RAB11FIP5: variants seen among roughly 807,000 people sequenced by gnomAD.
RAB11FIP5 encodes rab11 family-interacting protein 5.
A neutral mutation model predicts 85.1 loss-of-function variants in RAB11FIP5; 48 were observed. The observed-to-expected ratio is 0.56, with a 90% CI of 0.45 to 0.72. RAB11FIP5 has a LOEUF of 0.72. RAB11FIP5 is among the 30% of genes least tolerant of loss of function. The probability of loss-of-function intolerance (pLI) is 0.00; values close to 1 mark genes in which losing one functional copy is unlikely to be tolerated. For missense variants in RAB11FIP5, 1,491 were observed against 1,687.0 expected, an observed-to-expected ratio of 0.88 and a Z score of 2.04; for synonymous variants, 729 against 727.3, an observed-to-expected ratio of 1.00 and a Z score of -0.04.
chr2:73,086,040 A>C lies in RAB11FIP5; in HGVS notation c.1568+2010T>G, dbSNP rs985083933. ...AGGCCCTAAGCAAGCCCTCTGGGGA[A>C]GCGCCAACAGTCCTTTCTTCCAGGC... On this transcript the variant is annotated intron_variant, in intron 3 of 5. Coordinates refer to ENST00000486777, the MANE Select transcript of RAB11FIP5 (RefSeq NM_001371272.1). This position sits in a 1 kb window ranked among gnomAD's most constrained non-coding sequence, Gnocchi z 4.4. Among the ~76,000 whole-genome samples, 1 of 152,152 alleles carries C rather than the reference A, an allele frequency of 6.6e-6. No individual in the cohort carries two copies. Among genetic ancestry groups the C allele is most frequent in the African/African-American group, 2.4e-5 (1 of 41,438 alleles).
rs1277961186 is a variant in RAB11FIP5, at chr2:73,112,793, G to A, written c.-16C>T. On this transcript the variant is annotated 5_prime_UTR_variant, in exon 1 of 6. Transcript: ENST00000486777. ...CCAGGGCCATGGCGGAGAAGCGGGG[G>A]GCGAGGTCTGGCCGAGCCGGTGCAG... 2.1e-6 allele frequency: 3 copies of A among 1,415,512 alleles called. No individual in the cohort carries two copies. The highest frequency in any genetic ancestry group is 2.8e-5 in the East Asian group (1 of 35,706). The allele number at this position is 1,415,512 out of a possible 1,614,324, so 87.7% of individuals were successfully genotyped here. A position where few individuals can be genotyped will look rare whatever the true frequency, so the allele number is the denominator to read the frequency against.
At chr2:73,099,188 T>C (rs544363490) in intron 1 of RAB11FIP5, among the ~76,000 whole-genome samples, 2 of 152,180 alleles carry the variant, frequency 1.3e-5, no homozygotes, top group Non-Finnish European at 2.9e-5. Context: ...TAGCTGGGCT[T>C]ACAGGCCCCT....
In RAB11FIP5 at chr2:73,089,507, T is replaced by C. The variant is rs775818247; in HGVS notation, c.432-192A>G. ...GCAGCTGAGAAACTATCCAAAACAT[T>C]TCCATGATGGAGAAAACCACATCCT... On this transcript the variant is annotated intron_variant, in intron 1 of 5. Coordinates refer to ENST00000486777, the MANE Select transcript of RAB11FIP5 (RefSeq NM_001371272.1). The surrounding 1 kb of genome is among the most constrained non-coding windows in gnomAD (Gnocchi z 4.6). 8.9e-5 allele frequency: 61 copies of C among 688,952 alleles called. No homozygotes were observed. In the South Asian group the frequency reaches 9.1e-4, roughly 10 times the overall value. 42.7% of individuals were successfully genotyped at this position (688,952 alleles called of 1,614,324 possible).
At chr2:73,097,333 G>A (rs908483566) in intron 1 of RAB11FIP5, among the ~76,000 whole-genome samples, 8 of 151,822 alleles carry the variant, frequency 5.3e-5, no homozygotes, top group African/African-American at 1.2e-4. Flanking sequence ...CACCACGCCC[G>A]GCCCCCCTCA....
At chr2:73,107,431 C>T (rs769383124) in intron 1 of RAB11FIP5, among the ~76,000 whole-genome samples, 3 of 152,126 alleles carry the variant, frequency 2.0e-5, no homozygotes, top group South Asian at 4.1e-4. Context: ...TCAAGGTCAC[C>T]GGGATGTGGC....
intron 1 of RAB11FIP5, among the ~76,000 whole-genome samples, chr2:73,099,466 G>C (rs529020029): frequency 6.6e-6 from 1 of 152,290 alleles, no homozygotes; most frequent in East Asian, 1.9e-4. Flanking sequence ...AGAAGGCCAG[G>C]TCCTCCCCTC....
At chr2:73,090,371 A>T (rs1312417454) in intron 1 of RAB11FIP5, among the ~76,000 whole-genome samples, 1 of 152,208 alleles carries the variant, frequency 6.6e-6, no homozygotes, top group Non-Finnish European at 1.5e-5. Context: ...AACTCCGATC[A>T]CACAAGGAGC....
At position 73,076,077 on chromosome 2, in the gene RAB11FIP5, C is replaced by T. The variant is rs777138768; in HGVS notation, c.3687G>A (p.Lys1229=). The T allele has an allele frequency of 1.2e-6, 2 of 1,614,188 alleles. No individual in the cohort carries two copies. Among genetic ancestry groups the T allele is most frequent in the South Asian group, 1.1e-5 (1 of 91,088 alleles). Residue 1229 remains lysine, a synonymous_variant, in exon 5 of 6, where the codon AAG becomes AAA. Coordinates refer to ENST00000486777, the MANE Select transcript of RAB11FIP5 (RefSeq NM_001371272.1). ...LSIALSSGLE[K]LKTVTSGSIQ... is the part of the protein sequence containing the mutation. Reference sequence around the variant, plus strand: ...TGCTCCCAGATGTGACTGTTTTGAGCTTCTCCAGCCCACTGCTCAGGGCTA... The same window carrying T: ...TGCTCCCAGATGTGACTGTTTTGAGTTTCTCCAGCCCACTGCTCAGGGCTA...
At chr2:73,107,577 G>C (rs1224757033) in intron 1 of RAB11FIP5, among the ~76,000 whole-genome samples, 1 of 152,162 alleles carries the variant, frequency 6.6e-6, no homozygotes, top group Non-Finnish European at 1.5e-5. Context: ...GGAGGGCAGG[G>C]GAAGCTGCCA....
At position 73,080,848 on chromosome 2, in the gene RAB11FIP5, A is replaced by G. The variant is rs988261856; in HGVS notation, c.2384T>C (p.Ile795Thr). 8 of 1,232,336 alleles carry G rather than the reference A, an allele frequency of 6.5e-6. No homozygotes were observed. Among genetic ancestry groups the G allele is most frequent in the Non-Finnish European group, 6.1e-6 (6 of 988,164 alleles). 76.3% of individuals were successfully genotyped at this position (1,232,336 alleles called of 1,614,324 possible). The change falls in exon 4 of 6, where the codon ATC becomes ACC. Residue 795 changes from isoleucine (I) to threonine (T), a missense_variant. Physicochemically the swap from Ile to Thr is moderately conservative, Grantham distance 89. This residue lies in a region of RAB11FIP5 where 1,211 missense variants were observed against 1,338.0 expected (regional missense o/e 0.91). Coordinates refer to ENST00000486777, the MANE Select transcript of RAB11FIP5 (RefSeq NM_001371272.1). ...GTSLFSSPEV[I>T]SVWERLPGPE... The stretch of plus-strand genomic sequence containing the variant: ...GCCCGGCAGCCTCTCCCACACACTG[A>G]TCACTTCTGGGGAGCTAAATAGAGA...
At chr2:73,084,658 C>T (rs752869332) in intron 3 of RAB11FIP5, among the ~76,000 whole-genome samples, 1 of 152,240 alleles carries the variant, frequency 6.6e-6, no homozygotes, top group Non-Finnish European at 1.5e-5. Flanking sequence ...TCTTCTTAAA[C>T]ACTACACCAC....
intron 1 of RAB11FIP5, among the ~76,000 whole-genome samples, chr2:73,105,235 C>A (rs1684501667): frequency 6.6e-6 from 1 of 152,048 alleles, no homozygotes; most frequent in Admixed American, 6.5e-5. Flanking sequence ...GGCCTCACTC[C>A]ACTCCTTTTT....
Position 73,088,718 on chromosome 2 carries a change from G to A in RAB11FIP5, c.900C>T (p.Phe300=), listed in dbSNP as rs1684145459. 2 of 1,609,014 alleles carry A rather than the reference G, an allele frequency of 1.2e-6. No homozygotes were observed. ...GRDSAQSPKL[F]THKRTYSDEA... ...CATCGCTGTAGGTCCTCTTATGGGT[G>A]AACAGCTTGGGGGACTGTGCAGAGT... The change falls in exon 3 of 6, where the codon TTC becomes TTT. Residue 300 remains phenylalanine (F), a synonymous_variant. Coordinates refer to ENST00000486777, the MANE Select transcript of RAB11FIP5 (RefSeq NM_001371272.1).
chr2:73,080,430 T>C lies in RAB11FIP5; in HGVS notation c.2802A>G (p.Gly934=), dbSNP rs1274164679. ...CCAGTGCACTTGGGGAGGCATCTTCTCCCTCTGTCTCCGGCCCCCTGTTAC... is the reference window on the plus strand; with the variant it reads ...CCAGTGCACTTGGGGAGGCATCTTCCCCCTCTGTCTCCGGCCCCCTGTTAC... ...GLSNRGPETE[G]EDASPSALVV... is the part of the protein sequence containing the mutation. The change falls in exon 4 of 6, where the codon GGA becomes GGG. Residue 934 remains glycine (G), a synonymous_variant. Transcript: ENST00000486777. 4 of 1,233,448 alleles carry C rather than the reference T, an allele frequency of 3.2e-6. No homozygotes were observed. The highest frequency in any genetic ancestry group is 4.0e-6 in the Non-Finnish European group (4 of 988,668). 76.4% of individuals were successfully genotyped at this position (1,233,448 alleles called of 1,614,324 possible).
chr2:73,098,557 G>A (rs911312063), intron 1 of RAB11FIP5, among the ~76,000 whole-genome samples: 8 of 152,158 alleles, frequency 5.3e-5, no homozygotes, highest in African/African-American at 1.9e-4. Flanking sequence ...CAGTCACACA[G>A]TAAGCAGGAG....
In RAB11FIP5 at chr2:73,075,354, A is replaced by G; in HGVS notation, c.*167T>C. ...ACAGAACCTGATGCCTCCAAAGGGA[A>G]TCCAGAGGGCCCCCTTCCAGCAGCC... On this transcript the variant is annotated 3_prime_UTR_variant, in exon 6 of 6. Transcript: ENST00000486777. This position sits in a 1 kb window ranked among gnomAD's most constrained non-coding sequence, Gnocchi z 4.6. 1.3e-6 allele frequency: 1 copy of G among 756,662 alleles called. No homozygotes were observed. Among genetic ancestry groups the G allele is most frequent in the Non-Finnish European group, 2.3e-6 (1 of 429,238 alleles). The allele number at this position is 756,662 out of a possible 1,614,324, so 46.9% of individuals were successfully genotyped here.
chr2:73,104,348 C>G (rs531062691), intron 1 of RAB11FIP5, among the ~76,000 whole-genome samples: 1 of 152,072 alleles, frequency 6.6e-6, no homozygotes, highest in Admixed American at 6.6e-5. Flanking sequence ...GAGGCTGAGG[C>G]AGGCAGATCA....
Position 73,079,646 on chromosome 2 carries a change from C to T in RAB11FIP5, c.3581+5G>A. ...CTGGACAGTGTTCTGGGGGTGGATG[C>T]TCACCTGGCACTGGGCTGTGGCTCC... On this transcript the variant is annotated splice_donor_5th_base_variant and intron_variant, in intron 4 of 5. Transcript: ENST00000486777. 2 of 1,233,040 alleles carry T rather than the reference C, an allele frequency of 1.6e-6. No individual in the cohort carries two copies. The highest frequency in any genetic ancestry group is 2.0e-6 in the Non-Finnish European group (2 of 988,658). The allele number at this position is 1,233,040 out of a possible 1,614,324, so 76.4% of individuals were successfully genotyped here.
rs1191601066 is a variant in RAB11FIP5, at chr2:73,080,658, A to G, written c.2574T>C (p.Pro858=). The change falls in exon 4 of 6, where the codon CCT becomes CCC. Residue 858 remains proline, a synonymous_variant. Transcript: ENST00000486777. ...GTGATTCAGGCTGCACCTGGGGAGC[A>G]GGCTCATCAGACTCTCCCCGAAAGA... ...SLVFRGESDE[P]APQVQPESPE... is the part of the protein sequence containing the mutation. The G allele has an allele frequency of 2.4e-6, 3 of 1,232,294 alleles. No homozygotes were observed. In the East Asian group the frequency reaches 9.5e-5, roughly 39 times the overall value. The allele number at this position is 1,232,294 out of a possible 1,614,324, so 76.3% of individuals were successfully genotyped here. A position where few individuals can be genotyped will look rare whatever the true frequency, so the allele number is the denominator to read the frequency against.
Sources: gnomAD v4.1 joint callset for allele counts (sites outside exome capture counted in the v4.1 genomes callset) on GRCh38, gnomAD v4.1.1 for gene constraint, gnomAD v4.1.1 regional missense constraint, Gnocchi (gnomAD v3.1) non-coding constraint, MANE v1.5 for transcripts, NCBI Gene and HGNC (gene_info 2026-07-23, HGNC 2026-07-21) for gene names.